The following KMO variants were observed in gnomAD, a reference collection of about 807,000 sequenced individuals.
KMO encodes kynurenine 3-hydroxylase.
KMO carries 24 observed loss-of-function variants against 57.8 expected under a neutral mutation model. That is an observed-to-expected ratio of 0.42 (90% confidence interval 0.30 to 0.58). KMO has a LOEUF of 0.58. KMO is among the 20% of genes least tolerant of loss of function. The probability of loss-of-function intolerance (pLI) is 0.22; values close to 1 mark genes in which losing one functional copy is unlikely to be tolerated. For synonymous variants in KMO, 210 were observed against 193.6 expected (o/e 1.08, Z -0.70); for missense variants, 483 against 588.2 (o/e 0.82, Z 1.85).
intron 2 of KMO, among the ~76,000 whole-genome samples, chr1:241,549,336 AAAAG>A (rs199968642): frequency 0.024 from 3,625 of 150,870 alleles, 55 homozygotes; most frequent in South Asian, 0.037. Flanking sequence ...AAGAAAGATG[AAAAG>A]AAAGAAAGAA....
intron 1 of KMO, among the ~76,000 whole-genome samples, chr1:241,544,719 G>C (rs1661082062): frequency 2.0e-5 from 3 of 152,024 alleles, no homozygotes. Context: ...TTACCTGTGA[G>C]CCCAGGGCTA....
chr1:241,594,293 G>T lies in KMO; in HGVS notation c.*2140G>T. Reference sequence around the variant, plus strand: ...CTTCCTGAGGCCCAAGAGCATATGGGCAATTCGGATTTCCTGCTGGACCAC... The same window carrying T: ...CTTCCTGAGGCCCAAGAGCATATGGTCAATTCGGATTTCCTGCTGGACCAC... On this transcript the variant is annotated 3_prime_UTR_variant, in exon 15 of 15. Transcript: ENST00000366559. The T allele has an allele frequency of 1.0e-6, 1 of 954,906 alleles. No individual in the cohort carries two copies. Among genetic ancestry groups the T allele is most frequent in the Non-Finnish European group, 1.6e-6 (1 of 640,532 alleles). The allele number at this position is 954,906 out of a possible 1,614,324, so 59.2% of individuals were successfully genotyped here. A position where few individuals can be genotyped will look rare whatever the true frequency, so the allele number is the denominator to read the frequency against.
intron 1 of KMO, among the ~76,000 whole-genome samples, chr1:241,545,659 A>G (rs12130638): frequency 0.31 from 46,374 of 152,008 alleles, 7,941 homozygotes; most frequent in Non-Finnish European, 0.39. Flanking sequence ...ACATTCTTAC[A>G]GTACTGGGGG....
In KMO at chr1:241,539,911, A is replaced by G. The variant is rs146761954; in HGVS notation, c.54+7413A>G. ...AAAAGAAACGTGTATGCGTCATACAATTGTCTATAATGCTAAAGAATTAAA... is the reference window on the plus strand; with the variant it reads ...AAAAGAAACGTGTATGCGTCATACAGTTGTCTATAATGCTAAAGAATTAAA... On this transcript the variant is annotated intron_variant, in intron 1 of 14. Coordinates refer to ENST00000366559, the MANE Select transcript of KMO (RefSeq NM_003679.5). Among the ~76,000 whole-genome samples, 29 of 152,322 alleles carry G rather than the reference A, an allele frequency of 1.9e-4. No individual in the cohort carries two copies. The South Asian group carries it at 2.1e-3, about 11-fold the overall frequency.
intron 10 of KMO, among the ~76,000 whole-genome samples, chr1:241,579,343 CTT>C (rs1662664553): frequency 6.6e-6 from 1 of 152,006 alleles, no homozygotes; most frequent in Non-Finnish European, 1.5e-5. Context: ...AAGTTTCTGT[CTT>C]TTGTGTTAAG....
At chr1:241,549,127 C>T (rs995169504) in intron 2 of KMO, among the ~76,000 whole-genome samples, 1 of 150,318 alleles carries the variant, frequency 6.7e-6, no homozygotes, top group Admixed American at 6.7e-5. Flanking sequence ...CGAGATCATG[C>T]CACTGTGCTC....
At chr1:241,541,245 T>C (rs115672366) in intron 1 of KMO, among the ~76,000 whole-genome samples, 5 of 152,196 alleles carry the variant, frequency 3.3e-5, no homozygotes, top group African/African-American at 1.2e-4. Context: ...AGAGGAACAA[T>C]CAATAGGACG....
chr1:241,567,391 A>G (rs746645966), intron 9 of KMO, among the ~76,000 whole-genome samples: 1 of 152,180 alleles, frequency 6.6e-6, no homozygotes, highest in Non-Finnish European at 1.5e-5. Flanking sequence ...TGGAAGGGGC[A>G]TGGGATCTCT....
intron 10 of KMO, among the ~76,000 whole-genome samples, chr1:241,576,024 CTTTTTT>C (rs34772001): frequency 7.0e-6 from 1 of 143,256 alleles, no homozygotes; most frequent in Non-Finnish European, 1.5e-5. Flanking sequence ...CCTTCTTTGT[CTTTTTT>C]TTTTTTTAAC....
At chr1:241,546,802 G>A (rs1661164958) in intron 1 of KMO, among the ~76,000 whole-genome samples, 1 of 152,236 alleles carries the variant, frequency 6.6e-6, no homozygotes, top group Admixed American at 6.5e-5. Flanking sequence ...TTAAACATTT[G>A]CATGCATGAG....
chr1:241,577,194 T>C (rs1662554454), intron 10 of KMO, among the ~76,000 whole-genome samples: 1 of 152,152 alleles, frequency 6.6e-6, no homozygotes, highest in Admixed American at 6.5e-5. Flanking sequence ...GGCATGTTCT[T>C]GAGTAACTTA....
In KMO at chr1:241,544,442, T is replaced by C. The variant is rs180823440; in HGVS notation, c.55-4387T>C. 1.0e-3 allele frequency among the ~76,000 whole-genome samples: 157 copies of C among 152,310 alleles called. 1 individual carries two copies. The highest frequency in any genetic ancestry group is 0.01 in the Admixed American group (157 of 15,292). On this transcript the variant is annotated intron_variant, in intron 1 of 14. Coordinates refer to ENST00000366559, the MANE Select transcript of KMO (RefSeq NM_003679.5). Reference sequence around the variant, plus strand: ...CTTCTGGACAAGTTAAGGACTACGCTTGGAAATGGCTCAAGGGTAACTTCT... The same window carrying C: ...CTTCTGGACAAGTTAAGGACTACGCCTGGAAATGGCTCAAGGGTAACTTCT...
intron 1 of KMO, among the ~76,000 whole-genome samples, chr1:241,542,842 A>G (rs1558411519): frequency 1.3e-5 from 2 of 152,212 alleles, no homozygotes; most frequent in Non-Finnish European, 2.9e-5. Flanking sequence ...CCAGCTTAAC[A>G]ACTCAAGATG....
intron 1 of KMO, among the ~76,000 whole-genome samples, chr1:241,545,031 C>A (rs924374889): frequency 6.6e-6 from 1 of 152,074 alleles, no homozygotes; most frequent in South Asian, 2.1e-4. Flanking sequence ...TCTTGGTAAC[C>A]TTTGAGTCCC....
chr1:241,560,502 CCAAA>C (rs756170597), intron 5 of KMO, among the ~76,000 whole-genome samples, 159 bp from the exon 6 acceptor site: 1 of 152,146 alleles, frequency 6.6e-6, no homozygotes, highest in Non-Finnish European at 1.5e-5. Flanking sequence ...GAAATAGTTA[CCAAA>C]CAGTTGTCAA....
intron 1 of KMO, among the ~76,000 whole-genome samples, chr1:241,540,844 A>T (rs964491970): frequency 3.3e-5 from 5 of 152,256 alleles, no homozygotes; most frequent in Non-Finnish European, 7.4e-5. Flanking sequence ...CAGAAGGATC[A>T]CATGAACCCA....
At chr1:241,573,028 A>C (rs1662362433) in intron 10 of KMO, among the ~76,000 whole-genome samples, 1 of 152,072 alleles carries the variant, frequency 6.6e-6, no homozygotes, top group Non-Finnish European at 1.5e-5. Flanking sequence ...TTCTTTATGC[A>C]CTCATTGGTC....
At chr1:241,582,647 A>G (rs951406663) in intron 10 of KMO, among the ~76,000 whole-genome samples, 1 of 152,160 alleles carries the variant, frequency 6.6e-6, no homozygotes, top group African/African-American at 2.4e-5. Context: ...AATTTATCTG[A>G]TACAATTCTG....
chr1:241,564,898 A>T lies in KMO; in HGVS notation c.616-89A>T, dbSNP rs12139441. On this transcript the variant is annotated intron_variant, in intron 7 of 14. Coordinates refer to ENST00000366559, the MANE Select transcript of KMO (RefSeq NM_003679.5). ...CATCGTGTAGATGCTACTGGTTTTA[A>T]TTACTGTGGAAACTATTATAAAGCT... 5 of 768,398 alleles carry T rather than the reference A, an allele frequency of 6.5e-6. No homozygotes were observed. The Admixed American group carries it at 1.1e-4, about 17-fold the overall frequency. The allele number at this position is 768,398 out of a possible 1,614,324, so 47.6% of individuals were successfully genotyped here.
Sources: allele counts gnomAD v4.1 joint callset (sites outside exome capture counted in the v4.1 genomes callset), GRCh38; gene constraint gnomAD v4.1.1; transcripts MANE v1.5; gene names NCBI Gene and HGNC (gene_info 2026-07-23, HGNC 2026-07-21).